GAS2: variants seen among roughly 807,000 people sequenced by gnomAD.
GAS2 encodes the protein growth arrest specific 2.
A neutral mutation model predicts 37.5 loss-of-function variants in GAS2; 20 were observed. That is an observed-to-expected ratio of 0.53 (90% CI 0.37 to 0.77). The LOEUF is 0.77. Among genes scored for constraint, GAS2 ranks in the 30% least tolerant of loss-of-function variants. The pLI, the probability that GAS2 is intolerant of heterozygous loss-of-function variation, is 0.00. For synonymous variants in GAS2, 144 were observed against 132.2 expected (o/e 1.09, Z -0.61); for missense variants, 336 against 373.4 (o/e 0.90, Z 0.82).
At chr11:22,791,685 G>T (rs1166705862) in intron 7 of GAS2, among the ~76,000 whole-genome samples, 1 of 152,070 alleles carries the variant, frequency 6.6e-6, no homozygotes, top group African/African-American at 2.4e-5. Flanking sequence ...AAGAAAAGAG[G>T]GCTTTTAAGA....
chr11:22,675,178 T>C (rs1849367710), intron 2 of GAS2, among the ~76,000 whole-genome samples, 164 bp downstream of exon 2: 1 of 152,240 alleles, frequency 6.6e-6, no homozygotes, highest in Non-Finnish European at 1.5e-5. Context: ...AAAATTTAAG[T>C]GAATTTCCCA....
intron 1 of GAS2, among the ~76,000 whole-genome samples, chr11:22,627,375 TAAGA>T (rs1590544790): frequency 6.6e-6 from 1 of 152,322 alleles, no homozygotes; most frequent in East Asian, 1.9e-4. Context: ...TTGTACCATT[TAAGA>T]GAGACATTAA....
intron 1 of GAS2, among the ~76,000 whole-genome samples, chr11:22,673,053 T>G (rs1410589060): frequency 6.6e-6 from 1 of 152,130 alleles, no homozygotes; most frequent in Non-Finnish European, 1.5e-5. Context: ...CAGAGAAAAT[T>G]TATGGTATTT....
chr11:22,709,450 G>T (rs1851289925), intron 3 of GAS2, among the ~76,000 whole-genome samples: 1 of 152,018 alleles, frequency 6.6e-6, no homozygotes, highest in Admixed American at 6.6e-5. Context: ...TTGGTATTAG[G>T]TGCTTTCTAG....
chr11:22,687,907 G>A (rs1366255458), intron 3 of GAS2, among the ~76,000 whole-genome samples: 4 of 152,170 alleles, frequency 2.6e-5, no homozygotes, highest in East Asian at 1.9e-4. Context: ...ATGGAGAGCC[G>A]AATGCCTCAG....
At chr11:22,810,532 A>G (rs1203517389) in intron 7 of GAS2, among the ~76,000 whole-genome samples, 1 of 152,222 alleles carries the variant, frequency 6.6e-6, no homozygotes, top group East Asian at 1.9e-4. Context: ...CTCATACTCT[A>G]AATGAGAATA....
At chr11:22,720,022 A>G (rs1256942190) in intron 3 of GAS2, among the ~76,000 whole-genome samples, 1 of 152,068 alleles carries the variant, frequency 6.6e-6, no homozygotes, top group Non-Finnish European at 1.5e-5. Flanking sequence ...TTCAAACATT[A>G]GTTTATATTA....
At chr11:22,658,354 T>G (rs1348853712) in intron 1 of GAS2, among the ~76,000 whole-genome samples, 2 of 152,104 alleles carry the variant, frequency 1.3e-5, no homozygotes, top group African/African-American at 2.4e-5. Context: ...CTCAATTAAC[T>G]TGGATTTACC....
chr11:22,720,234 A>T (rs1419447580), intron 3 of GAS2, among the ~76,000 whole-genome samples: 1 of 151,976 alleles, frequency 6.6e-6, no homozygotes, highest in Non-Finnish European at 1.5e-5. Context: ...TTGATCTAAG[A>T]TCTGTTCTAT....
intron 7 of GAS2, among the ~76,000 whole-genome samples, chr11:22,762,675 C>T (rs1035608157): frequency 6.6e-6 from 1 of 151,756 alleles, no homozygotes; most frequent in Non-Finnish European, 1.5e-5. Context: ...TCAATAGTGC[C>T]TAATATAAAG....
At chr11:22,702,792 G>A (rs1014976893) in intron 3 of GAS2, among the ~76,000 whole-genome samples, 6 of 152,038 alleles carry the variant, frequency 3.9e-5, no homozygotes, top group African/African-American at 1.4e-4. Context: ...GCCCTATTCT[G>A]TACTCTGCTG....
intron 6 of GAS2, chr11:22,755,500 C>T (rs1853977926): frequency 1.2e-5 from 2 of 167,028 alleles, no homozygotes; most frequent in African/African-American, 2.4e-5. Context: ...ATAGGTTGAC[C>T]TTGACAACCC....
rs762536461 is a variant in GAS2 at position 22,726,464 on chromosome 11, A to G, written c.409+31A>G. 1.9e-6 allele frequency: 3 copies of G among 1,580,410 alleles called. No individual in the cohort carries two copies. In the South Asian group the frequency reaches 3.4e-5, roughly 18 times the overall value. The stretch of plus-strand genomic sequence containing the variant: ...TATTAACTTCAGAATTTTAGTTGAT[A>G]AGATACGCAAATTATCTTTTGTCTT... On this transcript the variant is annotated intron_variant, in intron 4 of 7. Transcript: ENST00000454584.
chr11:22,730,814 T>C (rs1357809624), intron 4 of GAS2, among the ~76,000 whole-genome samples: 1 of 151,752 alleles, frequency 6.6e-6, no homozygotes, highest in African/African-American at 2.4e-5. Flanking sequence ...ATTTATATTT[T>C]CAGTTTCACC....
At chr11:22,753,965 A>G (rs1853881749) in intron 6 of GAS2, among the ~76,000 whole-genome samples, 1 of 152,046 alleles carries the variant, frequency 6.6e-6, no homozygotes, top group African/African-American at 2.4e-5. Flanking sequence ...ACTTTTATAT[A>G]TCTTGTTTTA....
chr11:22,682,278 G>T (rs1849717184), intron 2 of GAS2, among the ~76,000 whole-genome samples: 1 of 139,728 alleles, frequency 7.2e-6, no homozygotes, highest in Admixed American at 7.0e-5. Flanking sequence ...ATTGTTAATG[G>T]CTTTTTAATG....
rs184227611 is a variant in GAS2, at chr11:22,704,857, T to A, written c.267+19068T>A. Among the ~76,000 whole-genome samples the A allele has an allele frequency of 7.4e-3, 1,122 of 151,868 alleles. 21 individuals carry two copies. The highest frequency in any genetic ancestry group is 0.026 in the African/African-American group (1,064 of 41,450). ...TGTAGAACTAAACCATATGTTGTTC[T>A]ATGTTGTTATATTTGCTACATTTAA... is the stretch of plus-strand genomic sequence containing the variant. On this transcript the variant is annotated intron_variant, in intron 3 of 7. Transcript: ENST00000454584.
chr11:22,771,323 C>A (rs971545525), intron 7 of GAS2, among the ~76,000 whole-genome samples: 6 of 152,014 alleles, frequency 3.9e-5, no homozygotes, highest in African/African-American at 9.7e-5. Flanking sequence ...ATCATCTTGG[C>A]CTTTGCTTTC....
intron 5 of GAS2, among the ~76,000 whole-genome samples, chr11:22,746,867 T>G (rs1170359674): frequency 6.6e-6 from 1 of 152,060 alleles, no homozygotes; most frequent in East Asian, 1.9e-4. Context: ...TTGAAATTAT[T>G]TAAAAAATAA....
Sources: gnomAD v4.1 joint callset for allele counts (sites outside exome capture counted in the v4.1 genomes callset) on GRCh38, gnomAD v4.1.1 for gene constraint, MANE v1.5 for transcripts, NCBI Gene and HGNC (gene_info 2026-07-23, HGNC 2026-07-21) for gene names.